The following TENM3 variants were observed in gnomAD, a reference collection of about 807,000 sequenced individuals.
The protein encoded by TENM3 is teneurin transmembrane protein 3.
A neutral mutation model predicts 255.1 loss-of-function variants in TENM3; 63 were observed. The observed-to-expected ratio is 0.25, with a 90% CI of 0.20 to 0.30. The LOEUF is 0.30. TENM3 is among the 10% of genes least tolerant of loss of function. The pLI is 1.00. For synonymous variants in TENM3, 1,306 were observed against 1,322.3 expected, an observed-to-expected ratio of 0.99 and a Z score of 0.27; for missense variants, 2,929 against 3,461.1, an observed-to-expected ratio of 0.85 and a Z score of 3.86.
At chr4:181,640,154 A>G in the TENM3 span, among the ~76,000 whole-genome samples, 2 of 152,138 alleles carry the variant, frequency 1.3e-5, no homozygotes, top group East Asian at 3.9e-4. Flanking sequence ...CTGTGGACCA[A>G]CAGCAGCATC....
chr4:182,795,870 A>G (rs1766463888), intron 26 of TENM3, among the ~76,000 whole-genome samples: 2 of 152,254 alleles, frequency 1.3e-5, no homozygotes, highest in African/African-American at 4.8e-5. Context: ...TCTACACCCA[A>G]CCGTTCTCAT....
chr4:182,434,563 T>G (rs921082167), intron 3 of TENM3, among the ~76,000 whole-genome samples: 1 of 151,094 alleles, frequency 6.6e-6, no homozygotes, highest in African/African-American at 2.4e-5. Context: ...CTCGGGAGTC[T>G]GAGGCAGGAG....
chr4:182,442,311 A>C (rs1398970125), intron 3 of TENM3, among the ~76,000 whole-genome samples: 1 of 152,226 alleles, frequency 6.6e-6, no homozygotes, highest in Non-Finnish European at 1.5e-5. Context: ...ATTTGCAAAA[A>C]TATCTTAGTA....
In TENM3 at chr4:182,251,989, C is replaced by T. The variant is rs192843255; in HGVS notation, c.-76+8513C>T. Among the ~76,000 whole-genome samples the T allele has an allele frequency of 5.5e-3, 843 of 152,150 alleles. 10 individuals are homozygous for T. Among genetic ancestry groups the T allele is most frequent in the African/African-American group, 0.018 (746 of 41,508 alleles). ...CCTGAGGTCAGGAGTTGGAGACCAG[C>T]CTGGCCAACATGGTGAAACCCCATC... is the stretch of plus-strand genomic sequence containing the variant. On this transcript the variant is annotated intron_variant, in intron 1 of 27. Transcript: ENST00000511685.
chr4:182,244,650 C>G (rs1451957211), intron 1 of TENM3, among the ~76,000 whole-genome samples: 1 of 152,216 alleles, frequency 6.6e-6, no homozygotes, highest in Non-Finnish European at 1.5e-5. Context: ...AGTTCCCAGG[C>G]TCTTCCCTCC....
At chr4:182,581,042 A>G (rs1745449143) in intron 3 of TENM3, among the ~76,000 whole-genome samples, 1 of 152,246 alleles carries the variant, frequency 6.6e-6, no homozygotes, top group South Asian at 2.1e-4. Flanking sequence ...TACAAAAAGC[A>G]GATTATTGAA....
the TENM3 span, among the ~76,000 whole-genome samples, chr4:181,496,005 A>G: frequency 2.0e-5 from 3 of 152,118 alleles, no homozygotes; most frequent in South Asian, 6.2e-4. Context: ...AAATGAACTC[A>G]GAGTGGCTAC....
At chr4:181,679,749 A>G in the TENM3 span, among the ~76,000 whole-genome samples, 1 of 152,192 alleles carries the variant, frequency 6.6e-6, no homozygotes, top group Non-Finnish European at 1.5e-5. Context: ...ATTGCGACTG[A>G]ATTACACTAA....
chr4:182,502,355 C>T (rs2086174608), intron 3 of TENM3, among the ~76,000 whole-genome samples: 1 of 152,042 alleles, frequency 6.6e-6, no homozygotes, highest in Non-Finnish European at 1.5e-5. Context: ...AACTCACACC[C>T]TCTGTTATGG....
At chr4:181,674,492 A>C in the TENM3 span, among the ~76,000 whole-genome samples, 2 of 152,132 alleles carry the variant, frequency 1.3e-5, no homozygotes, top group South Asian at 2.1e-4. Flanking sequence ...CCTTTTGTGC[A>C]AGACTTCTCA....
the TENM3 span, among the ~76,000 whole-genome samples, chr4:182,066,859 C>A: frequency 8.6e-5 from 13 of 152,000 alleles, 1 homozygote; most frequent in Non-Finnish European, 1.6e-4. Flanking sequence ...TGCAGTGAGC[C>A]GAGATCGCAC....
intron 3 of TENM3, among the ~76,000 whole-genome samples, chr4:182,499,949 A>G (rs538778000): frequency 1.3e-5 from 2 of 152,302 alleles, no homozygotes; most frequent in African/African-American, 4.8e-5. Flanking sequence ...GAAATGTACA[A>G]AAGCTTTTTC....
intron 1 of TENM3, among the ~76,000 whole-genome samples, chr4:182,176,234 G>A (rs565717138): frequency 2.0e-5 from 3 of 152,156 alleles, no homozygotes; most frequent in Non-Finnish European, 2.9e-5. Flanking sequence ...TGGCACATTT[G>A]AGGGGCGGAG....
At chr4:182,335,223 G>T (rs1052110450) in intron 2 of TENM3, among the ~76,000 whole-genome samples, 29 of 151,036 alleles carry the variant, frequency 1.9e-4, no homozygotes, top group African/African-American at 5.8e-4. Context: ...AAGCGGCCGG[G>T]CGCGGTGGCT....
At chr4:182,736,310 GGCC>G (rs1297877494) in intron 16 of TENM3, among the ~76,000 whole-genome samples, 2 of 152,180 alleles carry the variant, frequency 1.3e-5, no homozygotes, top group Non-Finnish European at 2.9e-5. Context: ...AGCTGGCACA[GGCC>G]AGATCTTTGG....
the TENM3 span, among the ~76,000 whole-genome samples, chr4:181,757,786 C>T: frequency 6.6e-6 from 1 of 152,122 alleles, no homozygotes. Flanking sequence ...ATCTCCCTTA[C>T]CTGCAGCTGA....
At chr4:182,697,379 G>C (rs563942985) in intron 12 of TENM3, among the ~76,000 whole-genome samples, 1 of 152,276 alleles carries the variant, frequency 6.6e-6, no homozygotes, top group African/African-American at 2.4e-5. Flanking sequence ...GTGGAGTTGA[G>C]GGGGAGATTC....
chr4:182,562,674 A>G (rs1743325969), intron 3 of TENM3, among the ~76,000 whole-genome samples: 1 of 152,038 alleles, frequency 6.6e-6, no homozygotes. Context: ...ATCCTATGCT[A>G]CTTTACCCTC....
the TENM3 span, among the ~76,000 whole-genome samples, chr4:181,506,817 G>A: frequency 6.6e-6 from 1 of 151,718 alleles, no homozygotes; most frequent in African/African-American, 2.4e-5. Context: ...TCTGAGAACT[G>A]TTACAAATAG....
Sources: allele counts gnomAD v4.1 joint callset (sites outside exome capture counted in the v4.1 genomes callset), GRCh38; gene constraint gnomAD v4.1.1; transcripts MANE v1.5; gene names NCBI Gene and HGNC (gene_info 2026-07-23, HGNC 2026-07-21).